The following TENT4A variants were observed in gnomAD, a reference collection of about 807,000 sequenced individuals.
TENT4A encodes DNA polymerase kappa.
A neutral mutation model predicts 72.8 loss-of-function variants in TENT4A; 7 were observed. The ratio of observed to expected loss-of-function variants is 0.10; its 90% confidence interval spans 0.05 to 0.18. The LOEUF (loss-of-function observed/expected upper bound fraction) is 0.18, where lower values mean the gene tolerates loss of function less well. TENT4A is among the 10% of genes least tolerant of loss of function. The pLI, the probability that TENT4A is intolerant of heterozygous loss-of-function variation, is 1.00. For synonymous variants in TENT4A, 456 were observed against 434.3 expected (o/e 1.05, Z -0.62); for missense variants, 831 against 1,017.7 (o/e 0.82, Z 2.50).
chr5:6,724,252 C>T (rs1300392870), intron 1 of TENT4A, among the ~76,000 whole-genome samples: 6 of 152,124 alleles, frequency 3.9e-5, no homozygotes, highest in Non-Finnish European at 7.3e-5. Flanking sequence ...TGAAGAGCCA[C>T]GCAAGACCTC....
In TENT4A at chr5:6,750,324, T is replaced by C. The variant is rs769086662; in HGVS notation, c.1688-7T>C. On this transcript the variant is annotated splice_region_variant and splice_polypyrimidine_tract_variant and intron_variant, in intron 9 of 12. Coordinates refer to ENST00000230859, the MANE Select transcript of TENT4A (RefSeq NM_006999.6). ...GAGTTATTAACCAAGGCTTTTTCCC[T>C]CCACAGACAGCAGGATCAAGATCAA... is the stretch of plus-strand genomic sequence containing the variant. 1 of 1,605,394 alleles carries C rather than the reference T, an allele frequency of 6.2e-7. No individual in the cohort carries two copies.
At position 6,750,412 on chromosome 5, in the gene TENT4A, G is replaced by C; in HGVS notation, c.1769G>C (p.Gly590Ala). 6.2e-7 allele frequency: 1 copy of C among 1,613,410 alleles called. No individual in the cohort carries two copies. Among genetic ancestry groups the C allele is most frequent in the Non-Finnish European group, 8.5e-7 (1 of 1,179,670 alleles). The change falls in exon 10 of 13, where the codon GGC becomes GCC. Residue 590 changes from glycine (G) to alanine (A), a missense_variant. By Grantham distance (60) the Gly-to-Ala change is moderately conservative (BLOSUM62 0). Around this residue, in one of 3 missense-constraint regions of TENT4A, gnomAD observed 332 missense variants for 324.3 expected, o/e 1.02. Transcript: ENST00000230859. ...TQNREPESPY[G>A]QRLTLSLSSP... ...AACCGAGAGCCCGAGTCTCCCTATG[G>C]CCAGCGCTTGACTTTGTCGCTGTCC...
intron 5 of TENT4A, among the ~76,000 whole-genome samples, chr5:6,743,344 C>T (rs753192535): frequency 6.6e-6 from 1 of 152,184 alleles, no homozygotes. Flanking sequence ...CCTTGCCAGC[C>T]TCACTCTGCT....
In TENT4A at chr5:6,714,500, G is replaced by T; in HGVS notation, c.517G>T (p.Ala173Ser). 8.4e-7 allele frequency: 1 copy of T among 1,186,222 alleles called. No individual in the cohort carries two copies. Among genetic ancestry groups the T allele is most frequent in the Non-Finnish European group, 1.0e-6 (1 of 958,698 alleles). The allele number at this position is 1,186,222 out of a possible 1,614,324, so 73.5% of individuals were successfully genotyped here. A position where few individuals can be genotyped will look rare whatever the true frequency, so the allele number is the denominator to read the frequency against. The change falls in exon 1 of 13, where the codon GCG becomes TCG. Residue 173 changes from alanine to serine, a missense_variant. Transcript: ENST00000230859. ...ANGHPGPRGP[A>S]PAGSPSQHQF... is the part of the protein sequence containing the mutation. ...CGGGCACCCCGGGCCGCGCGGCCCC[G>T]CGCCCGCCGGCTCCCCGTCGCAGCA...
intron 1 of TENT4A, among the ~76,000 whole-genome samples, chr5:6,729,619 C>A (rs1374580288): frequency 6.6e-6 from 1 of 152,260 alleles, no homozygotes; most frequent in Non-Finnish European, 1.5e-5. Context: ...CACTGCCAGG[C>A]TGGGTGGCAG....
rs1484785364 is a variant in TENT4A, at chr5:6,745,917, A to G, written c.1246-297A>G. ...ACTAAGTTATGCAGAATATAGTCCAACTTATTTGCCCATATTTGGTTAATC... is the reference window on the plus strand; with the variant it reads ...ACTAAGTTATGCAGAATATAGTCCAGCTTATTTGCCCATATTTGGTTAATC... On this transcript the variant is annotated intron_variant, in intron 6 of 12. Coordinates refer to ENST00000230859, the MANE Select transcript of TENT4A (RefSeq NM_006999.6). 7 of 731,662 alleles carry G rather than the reference A, an allele frequency of 9.6e-6. No individual in the cohort carries two copies. The East Asian group carries it at 3.8e-4, about 40-fold the overall frequency. 45.3% of individuals were successfully genotyped at this position (731,662 alleles called of 1,614,324 possible). A position where few individuals can be genotyped will look rare whatever the true frequency, so the allele number is the denominator to read the frequency against.
intron 8 of TENT4A, among the ~76,000 whole-genome samples, chr5:6,748,872 A>G (rs577253885): frequency 6.6e-6 from 1 of 152,048 alleles, no homozygotes; most frequent in East Asian, 1.9e-4. Flanking sequence ...TTCAGTCCCT[A>G]CCATCTTCTC....
rs1392808437 is a variant in TENT4A, at chr5:6,713,950, G to A, written c.-34G>A. ...CGGGGGCGGGGCCGCGTCGGGGCGG[G>A]CGGGCGCGCGGGCCCCGCGGGGGCG... is the stretch of plus-strand genomic sequence containing the variant. On this transcript the variant is annotated 5_prime_UTR_variant, in exon 1 of 13. Coordinates refer to ENST00000230859, the MANE Select transcript of TENT4A (RefSeq NM_006999.6). The A allele has an allele frequency of 5.5e-6, 5 of 904,184 alleles. No individual in the cohort carries two copies. Among genetic ancestry groups the A allele is most frequent in the Non-Finnish European group, 6.6e-6 (5 of 759,184 alleles). The allele number at this position is 904,184 out of a possible 1,614,324, so 56.0% of individuals were successfully genotyped here.
At chr5:6,731,056 T>G (rs1741186558) in intron 1 of TENT4A, among the ~76,000 whole-genome samples, 1 of 152,230 alleles carries the variant, frequency 6.6e-6, no homozygotes, top group Non-Finnish European at 1.5e-5. Flanking sequence ...AGTTGTTGTT[T>G]TGGTGTAATC....
intron 1 of TENT4A, among the ~76,000 whole-genome samples, chr5:6,716,880 T>G (rs1740413876): frequency 6.6e-6 from 1 of 152,248 alleles, no homozygotes; most frequent in Non-Finnish European, 1.5e-5. Context: ...TGCCTGTCTC[T>G]GGGTGGTGTG....
At chr5:6,720,649 C>T (rs568849772) in intron 1 of TENT4A, among the ~76,000 whole-genome samples, 1 of 151,556 alleles carries the variant, frequency 6.6e-6, no homozygotes, top group Non-Finnish European at 1.5e-5. Context: ...GCACTCTAGC[C>T]TGGTGACAGA....
rs200286550 is a variant in TENT4A at position 6,754,777 on chromosome 5, G to C, written c.2211G>C (p.Met737Ile). Reference protein sequence around the residue: ...HKQHNGMKLSMKGSHGHTQGG... With the variant: ...HKQHNGMKLSIKGSHGHTQGG... ...AGCACAACGGCATGAAACTGTCCAT[G>C]AAGGGCTCTCACGGCCACACCCAAG... Residue 737 changes from methionine (M) to isoleucine (I), a missense_variant, in exon 13 of 13, where the codon ATG becomes ATC. This residue lies in a region of TENT4A where 332 missense variants were observed against 324.3 expected (regional missense o/e 1.02). Coordinates refer to ENST00000230859, the MANE Select transcript of TENT4A (RefSeq NM_006999.6). 1,394 of 1,594,880 alleles carry C rather than the reference G, an allele frequency of 8.7e-4. 13 individuals carry two copies. In the South Asian group the frequency reaches 0.015, roughly 17 times the overall value.
intron 1 of TENT4A, among the ~76,000 whole-genome samples, chr5:6,731,190 G>A (rs1337568568): frequency 6.6e-6 from 1 of 152,194 alleles, no homozygotes; most frequent in African/African-American, 2.4e-5. Context: ...AGGGAACTTC[G>A]ATTTCTGAGA....
At chr5:6,741,270 G>T (rs760818167) in intron 4 of TENT4A, among the ~76,000 whole-genome samples, 1 of 152,190 alleles carries the variant, frequency 6.6e-6, no homozygotes. Context: ...TGTGCAGCCG[G>T]CCAGTCATGG....
At position 6,755,078 on chromosome 5, in the gene TENT4A, C is replaced by A; in HGVS notation, c.*133C>A. Reference sequence around the variant, plus strand: ...GGCACGCCCGCCGCTGATCACTCTGCATGTTTCTTCGTGTGGTGGTCGCGT... The same window carrying A: ...GGCACGCCCGCCGCTGATCACTCTGAATGTTTCTTCGTGTGGTGGTCGCGT... On this transcript the variant is annotated 3_prime_UTR_variant, in exon 13 of 13. Coordinates refer to ENST00000230859, the MANE Select transcript of TENT4A (RefSeq NM_006999.6). The A allele has an allele frequency of 3.0e-6, 2 of 676,116 alleles. No individual in the cohort carries two copies. The highest frequency in any genetic ancestry group is 4.7e-6 in the Non-Finnish European group (2 of 427,922). The allele number at this position is 676,116 out of a possible 1,614,324, so 41.9% of individuals were successfully genotyped here.
chr5:6,726,038 G>A (rs1386419252), intron 1 of TENT4A, among the ~76,000 whole-genome samples: 1 of 152,316 alleles, frequency 6.6e-6, no homozygotes, highest in Admixed American at 6.5e-5. Context: ...TGGAGGCTCA[G>A]CCTTTGTTTC....
intron 1 of TENT4A, among the ~76,000 whole-genome samples, chr5:6,733,405 G>C (rs1273504157): frequency 6.6e-6 from 1 of 152,268 alleles, no homozygotes; most frequent in African/African-American, 2.4e-5. Flanking sequence ...GGCTCTCACT[G>C]TGTCCTCCTG....
At chr5:6,726,963 C>T (rs531304368) in intron 1 of TENT4A, among the ~76,000 whole-genome samples, 24 of 152,224 alleles carry the variant, frequency 1.6e-4, no homozygotes, top group African/African-American at 4.6e-4. Flanking sequence ...CTTGCTTGGC[C>T]CAGCCTCCCA....
intron 1 of TENT4A, among the ~76,000 whole-genome samples, chr5:6,726,040 CT>C (rs1561028910): frequency 6.6e-6 from 1 of 152,124 alleles, no homozygotes; most frequent in East Asian, 1.9e-4. Context: ...GAGGCTCAGC[CT>C]TTGTTTCTCC....
Sources: gnomAD v4.1 joint callset for allele counts (sites outside exome capture counted in the v4.1 genomes callset) on GRCh38, gnomAD v4.1.1 for gene constraint, gnomAD v4.1.1 regional missense constraint, MANE v1.5 for transcripts, NCBI Gene and HGNC (gene_info 2026-07-23, HGNC 2026-07-21) for gene names.